MS4A6E: variants seen among roughly 807,000 people sequenced by gnomAD.
The protein encoded by MS4A6E is membrane spanning 4-domains A6E, also known as membrane-spanning 4-domains subfamily A member 6E.
MS4A6E carries 8 observed loss-of-function variants against 13.2 expected under a neutral mutation model. The observed-to-expected ratio is 0.60, with a 90% CI of 0.35 to 1.09. The LOEUF (loss-of-function observed/expected upper bound fraction) is 1.09, where lower values mean the gene tolerates loss of function less well. Ranked by LOEUF, MS4A6E falls within the 50% of genes least tolerant of loss-of-function variation. MS4A6E has a pLI of 0.02. For synonymous variants in MS4A6E, 72 were observed against 67.6 expected, an observed-to-expected ratio of 1.06 and a Z score of -0.32; for missense variants, 177 against 171.1, an observed-to-expected ratio of 1.03 and a Z score of -0.19.
rs141537685 is a variant in MS4A6E, at chr11:60,329,432, G to C, written c.-15+2024G>C. Reference sequence around the variant, plus strand: ...GGTTGGTTGAAGTCTTTGCTATTGTGAATAGTGCTGCGATAAACATACGTG... The same window carrying C: ...GGTTGGTTGAAGTCTTTGCTATTGTCAATAGTGCTGCGATAAACATACGTG... On this transcript the variant is annotated intron_variant, in intron 1 of 4. Coordinates refer to ENST00000684409, the MANE Select transcript of MS4A6E (RefSeq NM_139249.4). Among the ~76,000 whole-genome samples the C allele has an allele frequency of 1.9e-3, 284 of 152,276 alleles. 1 individual carries two copies. Among genetic ancestry groups the C allele is most frequent in the East Asian group, 0.014 (70 of 5,184 alleles).
intron 3 of MS4A6E, among the ~76,000 whole-genome samples, chr11:60,339,315 C>G (rs2085208903): frequency 6.6e-6 from 1 of 152,082 alleles, no homozygotes. Context: ...AAAAAACATC[C>G]AAACAGGTTC....
At chr11:60,348,391 C>T (rs553026003) in intron 4 of MS4A6E, among the ~76,000 whole-genome samples, 23 of 152,280 alleles carry the variant, frequency 1.5e-4, no homozygotes, top group African/African-American at 5.3e-4. Context: ...AGACCTTCTG[C>T]TCCTAGAAAA....
intron 1 of MS4A6E, among the ~76,000 whole-genome samples, chr11:60,330,381 GC>G: frequency 1.0e-5 from 1 of 100,190 alleles, no homozygotes; most frequent in East Asian, 3.6e-4. Flanking sequence ...TCACTCTTTT[GC>G]CCAGGCTGGA....
chr11:60,341,615 G>T (rs933398008), downstream of MS4A6E, among the ~76,000 whole-genome samples: 1 of 151,780 alleles, frequency 6.6e-6, no homozygotes, highest in African/African-American at 2.4e-5. Context: ...ACACACACAC[G>T]TGTAAAAAAG....
intron 1 of MS4A6E, among the ~76,000 whole-genome samples, chr11:60,328,628 A>G (rs2085134853): frequency 6.6e-6 from 1 of 152,196 alleles, no homozygotes; most frequent in Non-Finnish European, 1.5e-5. Context: ...GGAGAAACTT[A>G]TGCTAAGTAA....
intron 1 of MS4A6E, among the ~76,000 whole-genome samples, chr11:60,329,214 A>G (rs981781115): frequency 1.9e-4 from 28 of 151,220 alleles, no homozygotes; most frequent in African/African-American, 6.6e-4. Context: ...TCGTTGTTCA[A>G]TTCCCACTTA....
chr11:60,333,334 G>A lies in MS4A6E; in HGVS notation c.-14-1548G>A, dbSNP rs1488692103. Among the ~76,000 whole-genome samples, 4 of 152,158 alleles carry A rather than the reference G, an allele frequency of 2.6e-5. No homozygotes were observed. In the East Asian group the frequency reaches 7.7e-4, roughly 29 times the overall value. On this transcript the variant is annotated intron_variant, in intron 1 of 4. Coordinates refer to ENST00000684409, the MANE Select transcript of MS4A6E (RefSeq NM_139249.4). The stretch of plus-strand genomic sequence containing the variant: ...GGGAGAGATAAGTGGAGGAGTTAGA[G>A]GAATATAGTAATGGAGGAAGGAAAA...
chr11:60,341,005 C>A lies in MS4A6E; in HGVS notation c.*239C>A, dbSNP rs1302151476. 6.6e-6 allele frequency: 1 copy of A among 152,178 alleles called. No individual in the cohort carries two copies. Among genetic ancestry groups the A allele is most frequent in the Admixed American group, 6.5e-5 (1 of 15,274 alleles). The allele number at this position is 152,178 out of a possible 1,614,324, so 9.4% of individuals were successfully genotyped here. A position where few individuals can be genotyped will look rare whatever the true frequency, so the allele number is the denominator to read the frequency against. On this transcript the variant is annotated 3_prime_UTR_variant, in exon 5 of 5. Coordinates refer to ENST00000684409, the MANE Select transcript of MS4A6E (RefSeq NM_139249.4). ...TTTATGATATGTGTTCATTGGGGAT[C>A]TCTTGGTTTGCCTGATACTGACTTC...
At chr11:60,329,648 G>A (rs957959462) in intron 1 of MS4A6E, among the ~76,000 whole-genome samples, 1 of 152,076 alleles carries the variant, frequency 6.6e-6, no homozygotes, top group Admixed American at 6.5e-5. Context: ...ATCCTCTCCA[G>A]CACCTGTTGT....
rs71036576 is a variant in MS4A6E at position 60,330,335 on chromosome 11, CTTTT to C, written c.-15+2949_-15+2952del. Among the ~76,000 whole-genome samples the C allele has an allele frequency of 8.7e-3, 533 of 61,146 alleles. 1 individual carries two copies. The highest frequency in any genetic ancestry group is 0.013 in the Non-Finnish European group (416 of 32,818). The allele number at this position is 61,146 out of a possible 152,430, so 40.1% of individuals were successfully genotyped here. A position where few individuals can be genotyped will look rare whatever the true frequency, so the allele number is the denominator to read the frequency against. On this transcript the variant is annotated intron_variant, in intron 1 of 4. Transcript: ENST00000684409. ...TAGATCCCATTTGTTAATTTTGGCT[CTTTT>C]TTTTTTTTTTTTTTTTTTTTTAGGC...
intron 1 of MS4A6E, among the ~76,000 whole-genome samples, chr11:60,332,042 G>A (rs187178629): frequency 6.6e-6 from 1 of 152,154 alleles, no homozygotes; most frequent in Non-Finnish European, 1.5e-5. Flanking sequence ...TGGTATTTTT[G>A]TTATAACAGT....
At chr11:60,330,402 C>T (rs549006752) in intron 1 of MS4A6E, among the ~76,000 whole-genome samples, 13 of 125,666 alleles carry the variant, frequency 1.0e-4, no homozygotes, top group African/African-American at 3.0e-4. Flanking sequence ...AGTGCAGTGG[C>T]GCGATCTCGG....
At chr11:60,327,539 A>C (rs1275154907) in intron 1 of MS4A6E, among the ~76,000 whole-genome samples, 131 bp downstream of exon 1, 1 of 152,202 alleles carries the variant, frequency 6.6e-6, no homozygotes, top group Non-Finnish European at 1.5e-5. Flanking sequence ...AAAAATGTGG[A>C]AGTGGCATTG....
chr11:60,328,402 A>T (rs1199486977), intron 1 of MS4A6E, among the ~76,000 whole-genome samples: 2 of 152,216 alleles, frequency 1.3e-5, no homozygotes, highest in South Asian at 4.1e-4. Flanking sequence ...GAAGCCAGAT[A>T]CTATTCACTA....
rs534311303 is a variant in MS4A6E at position 60,337,831 on chromosome 11, C to T, written c.238C>T (p.Pro80Ser). ...LLSVNPAALN[P>S]ASLQCKLDEK... ...GTCTGTCAACCCGGCTGCATTAAAT[C>T]CTGCCTCATTGCAGTGTAAGTTGGA... Residue 80 changes from proline (P) to serine (S), a missense_variant, in exon 3 of 5, where the codon CCT (proline) becomes TCT (serine). Coordinates refer to ENST00000684409, the MANE Select transcript of MS4A6E (RefSeq NM_139249.4). The T allele has an allele frequency of 6.2e-7, 1 of 1,614,186 alleles. No individual in the cohort carries two copies. Among genetic ancestry groups the T allele is most frequent in the Non-Finnish European group, 8.5e-7 (1 of 1,180,036 alleles).
At chr11:60,337,372 G>A (rs988263943) in intron 2 of MS4A6E, among the ~76,000 whole-genome samples, 11 of 152,142 alleles carry the variant, frequency 7.2e-5, no homozygotes, top group African/African-American at 2.2e-4. Flanking sequence ...TGAGTTGGCC[G>A]AGAGAGAAAC....
chr11:60,341,361 A>AT (rs932909404), downstream of MS4A6E, among the ~76,000 whole-genome samples: 6 of 152,216 alleles, frequency 3.9e-5, no homozygotes, highest in African/African-American at 1.2e-4. Context: ...TTATTTTGTT[A>AT]TTTTTTCCTT....
rs756351936 is a variant in MS4A6E, at chr11:60,337,868, T to C, written c.275T>C (p.Ile92Thr). 5.0e-6 allele frequency: 8 copies of C among 1,614,210 alleles called. No homozygotes were observed. In the South Asian group the frequency reaches 8.8e-5, roughly 18 times the overall value. ...SLQCKLDEKD[I>T]PTRLLLSYDY... ...CAGTGTAAGTTGGACGAAAAGGATA[T>C]ACCAACCAGACTTCTTCTTTCTTAT... Residue 92 changes from isoleucine to threonine, a missense_variant, in exon 3 of 5, where the codon ATA (isoleucine) becomes ACA (threonine). Ile to Thr is a moderately conservative substitution (Grantham distance 89). Transcript: ENST00000684409.
At chr11:60,329,866 C>T (rs1049149003) in intron 1 of MS4A6E, among the ~76,000 whole-genome samples, 3 of 147,290 alleles carry the variant, frequency 2.0e-5, no homozygotes, top group African/African-American at 7.6e-5. Context: ...CGTTCAGTCA[C>T]CCAGGCTGGA....
Sources: allele counts gnomAD v4.1 joint callset (sites outside exome capture counted in the v4.1 genomes callset), GRCh38; gene constraint gnomAD v4.1.1; transcripts MANE v1.5; gene names NCBI Gene and HGNC (gene_info 2026-07-23, HGNC 2026-07-21).